DOCK2: variants seen among roughly 807,000 people sequenced by gnomAD.
DOCK2 encodes the protein dedicator of cytokinesis 2, also known as dedicator of cytokinesis protein 2.
In DOCK2, 87 loss-of-function variants were observed where a neutral mutation model predicts 248.9. The ratio of observed to expected loss-of-function variants is 0.35; its 90% CI spans 0.29 to 0.42. The LOEUF (loss-of-function observed/expected upper bound fraction) is 0.42, where lower values mean the gene tolerates loss of function less well. Among genes scored for constraint, DOCK2 ranks in the 10% least tolerant of loss-of-function variants. The probability of loss-of-function intolerance (pLI) is 1.00; values close to 1 mark genes in which losing one functional copy is unlikely to be tolerated. For synonymous variants in DOCK2, 805 were observed against 821.6 expected, an observed-to-expected ratio of 0.98 and a Z score of 0.35; for missense variants, 1,747 against 2,300.2, an observed-to-expected ratio of 0.76 and a Z score of 4.92.
At chr5:169,717,578 G>T in intron 21 of DOCK2, 94 bp downstream of exon 21, 1 of 1,141,306 alleles carries the variant, frequency 8.8e-7, no homozygotes, top group South Asian at 1.2e-5. Context: ...TTTCTTTTGT[G>T]ACTCATCTGT....
In DOCK2 at chr5:169,716,298, C is replaced by G. The variant is rs1305713516; in HGVS notation, c.2027C>G (p.Ala676Gly). The G allele has an allele frequency of 6.2e-7, 1 of 1,613,346 alleles. No individual in the cohort carries two copies. Among genetic ancestry groups the G allele is most frequent in the East Asian group, 2.2e-5 (1 of 44,844 alleles). The change falls in exon 20 of 52, where the codon GCC becomes GGC. Residue 676 changes from alanine (A) to glycine (G), a missense_variant. Coordinates refer to ENST00000520908, the MANE Select transcript of DOCK2 (RefSeq NM_004946.3). ...SDEYDILVFD[A>G]LIYIIGLIAD... is the part of the protein sequence containing the mutation. ...GAATATGACATCCTCGTCTTTGATGCCTTGGTAAGAGAGAGGGGAAAAGTG... is the reference window on the plus strand; with the variant it reads ...GAATATGACATCCTCGTCTTTGATGGCTTGGTAAGAGAGAGGGGAAAAGTG...
intron 1 of DOCK2, among the ~76,000 whole-genome samples, chr5:169,646,966 G>A (rs188231966): frequency 1.2e-3 from 181 of 152,322 alleles, no homozygotes; most frequent in Non-Finnish European, 2.1e-3. Flanking sequence ...TTTGGGCCCA[G>A]AGATGAATAA....
chr5:169,684,169 T>A, intron 7 of DOCK2, 27 bp from the exon 8 acceptor site: 1 of 1,612,766 alleles, frequency 6.2e-7, no homozygotes, highest in Non-Finnish European at 8.5e-7. Context: ...TTCTCCATCT[T>A]CTTTCCTTCT....
chr5:170,015,669 A>G (rs1755501009), intron 32 of DOCK2, among the ~76,000 whole-genome samples: 1 of 151,956 alleles, frequency 6.6e-6, no homozygotes, highest in Admixed American at 6.6e-5. Context: ...ACTTGCCCTC[A>G]TCCTTGTTCA....
chr5:169,821,377 C>T (rs906920125), intron 26 of DOCK2, among the ~76,000 whole-genome samples: 16 of 152,150 alleles, frequency 1.1e-4, no homozygotes, highest in African/African-American at 2.2e-4. Context: ...AGAGAAAGGT[C>T]GGGTTACCCA....
At chr5:169,727,067 CAAAAAAAA>C (rs796894886) in intron 22 of DOCK2, among the ~76,000 whole-genome samples, 1 of 89,328 alleles carries the variant, frequency 1.1e-5, no homozygotes, top group Non-Finnish European at 2.3e-5. Flanking sequence ...GACCCTGTCT[CAAAAAAAA>C]AAAAAAGAAA....
intron 26 of DOCK2, among the ~76,000 whole-genome samples, chr5:169,803,646 G>A (rs1347163916): frequency 6.6e-6 from 1 of 152,222 alleles, no homozygotes; most frequent in Non-Finnish European, 1.5e-5. Context: ...CTTCCTGGAT[G>A]AGCAGATTGC....
intron 27 of DOCK2, among the ~76,000 whole-genome samples, chr5:169,968,666 T>A (rs915497812): frequency 6.6e-6 from 1 of 152,224 alleles, no homozygotes; most frequent in Non-Finnish European, 1.5e-5. Flanking sequence ...TTCGAAATCT[T>A]CACATTTTTC....
intron 39 of DOCK2, among the ~76,000 whole-genome samples, chr5:170,046,349 T>G (rs1756709332): frequency 6.6e-6 from 1 of 152,112 alleles, no homozygotes; most frequent in Non-Finnish European, 1.5e-5. Context: ...GTGGGGGAAG[T>G]GGAGAGTGGG....
chr5:169,778,871 T>C (rs1229493721), intron 25 of DOCK2, among the ~76,000 whole-genome samples: 1 of 152,170 alleles, frequency 6.6e-6, no homozygotes, highest in Non-Finnish European at 1.5e-5. Flanking sequence ...GATCTACCAA[T>C]CTATCTATCT....
intron 22 of DOCK2, among the ~76,000 whole-genome samples, chr5:169,733,757 G>A (rs1762903420): frequency 6.6e-6 from 1 of 151,988 alleles, no homozygotes; most frequent in Admixed American, 6.6e-5. Context: ...AATGTTAACT[G>A]TTAGTCTTAC....
intron 27 of DOCK2, among the ~76,000 whole-genome samples, chr5:169,938,360 A>G (rs78911776): frequency 6.6e-6 from 1 of 152,148 alleles, no homozygotes; most frequent in East Asian, 1.9e-4. Flanking sequence ...TTGTGTGAAC[A>G]TCAGAGTGTA....
chr5:169,637,313 G>A lies in DOCK2; in HGVS notation c.-14G>A. ...CGGCTTCCCCACGGGAGGACGCGAG[G>A]CCCCGGCCCAGCCATGGCCCCCTGG... On this transcript the variant is annotated 5_prime_UTR_variant, in exon 1 of 52. Coordinates refer to ENST00000520908, the MANE Select transcript of DOCK2 (RefSeq NM_004946.3). 3 of 1,427,212 alleles carry A rather than the reference G, an allele frequency of 2.1e-6. No homozygotes were observed. The highest frequency in any genetic ancestry group is 1.4e-5 in the South Asian group (1 of 70,446). The allele number at this position is 1,427,212 out of a possible 1,614,324, so 88.4% of individuals were successfully genotyped here.
chr5:170,029,851 C>G (rs949750904), intron 34 of DOCK2, among the ~76,000 whole-genome samples: 1 of 152,166 alleles, frequency 6.6e-6, no homozygotes, highest in Non-Finnish European at 1.5e-5. Context: ...GCCTCTCGAC[C>G]CTGCCCAAGC....
rs116819880 is a variant in DOCK2 at position 169,695,949 on chromosome 5, C to T, written c.979+11C>T. ...CCTTTGGGGTGGCAGGTAAGGGGCA[C>T]ACTCTGCATCATTGATTTTTATGGG... On this transcript the variant is annotated intron_variant, in intron 10 of 51. Transcript: ENST00000520908. 3.0e-4 allele frequency: 479 copies of T among 1,573,936 alleles called. 1 individual carries two copies. The African/African-American group carries it at 5.9e-3, about 19-fold the overall frequency.
chr5:169,846,848 C>G (rs1383799381), intron 27 of DOCK2, among the ~76,000 whole-genome samples: 4 of 151,938 alleles, frequency 2.6e-5, no homozygotes, highest in Admixed American at 6.6e-5. Context: ...TCCTAGCCCC[C>G]CTTCCACCCT....
At chr5:170,041,029 C>T in intron 36 of DOCK2, 26 bp from the exon 37 acceptor site, 3 of 1,604,640 alleles carry the variant, frequency 1.9e-6, no homozygotes, top group South Asian at 2.2e-5. Context: ...CACCTGGTAG[C>T]TTACTGCATA....
At chr5:169,734,550 C>A (rs1762940641) in intron 22 of DOCK2, among the ~76,000 whole-genome samples, 1 of 152,120 alleles carries the variant, frequency 6.6e-6, no homozygotes, top group South Asian at 2.1e-4. Context: ...TGGGGCAATA[C>A]CAACCAGATA....
intron 27 of DOCK2, chr5:169,883,209 A>T: frequency 6.4e-7 from 1 of 1,551,206 alleles, no homozygotes; most frequent in Non-Finnish European, 8.7e-7. Context: ...GTATGGAGTT[A>T]CTTACTTCAG....
Sources: allele counts gnomAD v4.1 joint callset (sites outside exome capture counted in the v4.1 genomes callset), GRCh38; gene constraint gnomAD v4.1.1; transcripts MANE v1.5; gene names NCBI Gene and HGNC (gene_info 2026-07-23, HGNC 2026-07-21).